Variants in GLMN observed in about 807,000 individuals in gnomAD.
GLMN encodes the protein glomulin.
Under a neutral mutation model 87.8 loss-of-function variants are expected in GLMN, and 75 were observed. The observed-to-expected ratio is 0.85, with a 90% confidence interval of 0.71 to 1.04. The LOEUF (loss-of-function observed/expected upper bound fraction) is 1.04. Among genes scored for constraint, GLMN ranks in the 50% least tolerant of loss-of-function variants. GLMN has a pLI of 0.00. For missense variants in GLMN, 588 were observed against 658.8 expected, an observed-to-expected ratio of 0.89 and a Z score of 1.18; for synonymous variants, 206 against 221.6, an observed-to-expected ratio of 0.93 and a Z score of 0.63.
At chr1:92,351,543 G>C in the GLMN span, among the ~76,000 whole-genome samples, 9 of 151,980 alleles carry the variant, frequency 5.9e-5, no homozygotes, top group Non-Finnish European at 1.3e-4. Flanking sequence ...AGGACACATC[G>C]CTCAGCTTCT....
upstream of GLMN, chr1:92,299,056 G>T: frequency 2.1e-6 from 3 of 1,443,546 alleles, no homozygotes; most frequent in Non-Finnish European, 2.8e-6. Context: ...GTCCCCGTCC[G>T]GCAGACTACT....
Position 92,271,615 on chromosome 1 carries a change from A to G in GLMN, c.773T>C (p.Met258Thr), listed in dbSNP as rs1393088428. Residue 258 changes from methionine (M) to threonine (T), a missense_variant, in exon 8 of 19, where the codon ATG becomes ACG. Coordinates refer to ENST00000370360, the MANE Select transcript of GLMN (RefSeq NM_053274.3). Reference sequence around the variant, plus strand: ...CTTTTTCCTTCCATGATTAAAAATCATTTTGGGGAAAGGGTGTCCAATTGC... The same window carrying G: ...CTTTTTCCTTCCATGATTAAAAATCGTTTTGGGGAAAGGGTGTCCAATTGC... ...LSAIGHPFPK[M>T]IFNHGRKKRT... 2 of 1,613,002 alleles carry G rather than the reference A, an allele frequency of 1.2e-6. No homozygotes were observed.
At chr1:92,296,243 GT>G (rs1001001152) in intron 3 of GLMN, among the ~76,000 whole-genome samples, 1 of 152,188 alleles carries the variant, frequency 6.6e-6, no homozygotes, top group Non-Finnish European at 1.5e-5. Context: ...TGAAGAAAGA[GT>G]GTGTACCTAG....
At chr1:92,370,322 A>G in the GLMN span, among the ~76,000 whole-genome samples, 1 of 152,330 alleles carries the variant, frequency 6.6e-6, no homozygotes, top group East Asian at 1.9e-4. Context: ...TGAGTATAGG[A>G]AAGAACACCA....
chr1:92,343,612 T>C, the GLMN span, among the ~76,000 whole-genome samples: 1 of 152,194 alleles, frequency 6.6e-6, no homozygotes, highest in African/African-American at 2.4e-5. Flanking sequence ...AAGAAAACAT[T>C]ATAATTAATT....
At chr1:92,327,201 C>T in the GLMN span, among the ~76,000 whole-genome samples, 4 of 152,264 alleles carry the variant, frequency 2.6e-5, no homozygotes, top group Admixed American at 2.6e-4. Flanking sequence ...TCATTGTTGA[C>T]CTAGTGATCA....
Position 92,264,653 on chromosome 1 carries a change from T to A in GLMN, c.1215-15A>T. ...TCAATAAGCACCTTGAAAGCAAAAT[T>A]ACAATAGATGTGAAATTATCCTGGA... is the stretch of plus-strand genomic sequence containing the variant. On this transcript the variant is annotated splice_polypyrimidine_tract_variant and intron_variant, in intron 13 of 18. Transcript: ENST00000370360. 7.4e-7 allele frequency: 1 copy of A among 1,351,952 alleles called. No individual in the cohort carries two copies. The highest frequency in any genetic ancestry group is 1.1e-6 in the Non-Finnish European group (1 of 941,324). The allele number at this position is 1,351,952 out of a possible 1,614,324, so 83.7% of individuals were successfully genotyped here.
intron 7 of GLMN, among the ~76,000 whole-genome samples, chr1:92,276,286 TA>T (rs1259172545): frequency 2.0e-5 from 3 of 151,872 alleles, no homozygotes; most frequent in Admixed American, 2.0e-4. Context: ...ATTTACATAT[TA>T]AAATATTATA....
At chr1:92,292,219 C>T (rs1158511891) in intron 3 of GLMN, among the ~76,000 whole-genome samples, 1 of 132,378 alleles carries the variant, frequency 7.6e-6, no homozygotes, top group Non-Finnish European at 1.6e-5. Flanking sequence ...GAGGAACACA[C>T]TGGATAAGAT....
chr1:92,359,887 T>C, the GLMN span, among the ~76,000 whole-genome samples: 1 of 152,032 alleles, frequency 6.6e-6, no homozygotes, highest in Non-Finnish European at 1.5e-5. Context: ...GCCTGAAGAA[T>C]ACAGAGAAAG....
intron 4 of GLMN, among the ~76,000 whole-genome samples, chr1:92,291,197 G>A (rs1007149490): frequency 6.6e-6 from 1 of 152,172 alleles, no homozygotes; most frequent in African/African-American, 2.4e-5. Context: ...TCCGATATGA[G>A]GTTAATATGA....
the GLMN span, chr1:92,320,704 T>C: frequency 8.1e-7 from 1 of 1,238,810 alleles, no homozygotes; most frequent in Non-Finnish European, 1.2e-6. Flanking sequence ...GTGAACCAGG[T>C]GATATGAGCT....
At chr1:92,338,411 G>A in the GLMN span, among the ~76,000 whole-genome samples, 3 of 152,170 alleles carry the variant, frequency 2.0e-5, no homozygotes, top group East Asian at 3.8e-4. Flanking sequence ...TAGTAATGAC[G>A]AGAGACATTT....
chr1:92,358,140 C>T, the GLMN span, among the ~76,000 whole-genome samples: 58 of 152,304 alleles, frequency 3.8e-4, no homozygotes, highest in African/African-American at 1.3e-3. Context: ...TTCCACCTTG[C>T]GTCAGCCCTT....
At chr1:92,280,650 C>A (rs983289758) in intron 7 of GLMN, among the ~76,000 whole-genome samples, 1 of 152,070 alleles carries the variant, frequency 6.6e-6, no homozygotes, top group Admixed American at 6.6e-5. Context: ...TTCGGAAGGT[C>A]GGTAATAACA....
At chr1:92,282,623 T>G (rs925209536) in intron 7 of GLMN, among the ~76,000 whole-genome samples, 9 of 151,602 alleles carry the variant, frequency 5.9e-5, no homozygotes, top group Non-Finnish European at 4.4e-5. Flanking sequence ...ATAACTAAGA[T>G]CAGGGCAGAA....
Position 92,266,407 on chromosome 1 carries a change from C to T in GLMN, c.1214+12G>A, listed in dbSNP as rs1655631753. ...ACCACACACTTAGCAATTAGCCATG[C>T]TTGATACATACCTAAATAATGTATA... On this transcript the variant is annotated intron_variant, in intron 13 of 18. Transcript: ENST00000370360. 7.2e-7 allele frequency: 1 copy of T among 1,387,618 alleles called. No individual in the cohort carries two copies. The highest frequency in any genetic ancestry group is 1.8e-4 in the Middle Eastern group (1 of 5,638). 86.0% of individuals were successfully genotyped at this position (1,387,618 alleles called of 1,614,324 possible).
intron 16 of GLMN, among the ~76,000 whole-genome samples, chr1:92,252,289 T>G (rs138784961): frequency 1.3e-4 from 20 of 152,278 alleles, no homozygotes; most frequent in African/African-American, 4.8e-4. Context: ...CTCATGCCTG[T>G]AATCCCAGAT....
At chr1:92,324,382 C>T in the GLMN span, 2 of 1,589,944 alleles carry the variant, frequency 1.3e-6, no homozygotes, top group African/African-American at 2.7e-5. Flanking sequence ...AGAGGTATGT[C>T]TTACAGACAT....
Sources: gnomAD v4.1 joint callset for allele counts (sites outside exome capture counted in the v4.1 genomes callset) on GRCh38, gnomAD v4.1.1 for gene constraint, MANE v1.5 for transcripts, NCBI Gene and HGNC (gene_info 2026-07-23, HGNC 2026-07-21) for gene names.